DLGAP2: variants seen among roughly 807,000 people sequenced by gnomAD.
DLGAP2 encodes disks large-associated protein 2.
A neutral mutation model predicts 100.3 loss-of-function variants in DLGAP2; 26 were observed. The observed-to-expected ratio is 0.26, with a 90% CI of 0.19 to 0.36. DLGAP2 has a LOEUF of 0.36. Among genes scored for constraint, DLGAP2 ranks in the 10% least tolerant of loss-of-function variants. DLGAP2 has a pLI of 1.00. For missense variants in DLGAP2, 1,858 were observed against 1,453.2 expected (o/e 1.28, Z -4.53); for synonymous variants, 886 against 630.1 (o/e 1.41, Z -6.08).
intron 3 of DLGAP2, among the ~76,000 whole-genome samples, chr8:1,335,476 A>G (rs114636896): frequency 6.6e-6 from 1 of 152,248 alleles, no homozygotes; most frequent in African/African-American, 2.4e-5. Flanking sequence ...CTTCCTCTGG[A>G]GGAATGGGTA....
intron 3 of DLGAP2, among the ~76,000 whole-genome samples, chr8:1,334,481 C>T (rs1194862984): frequency 2.0e-5 from 3 of 152,180 alleles, no homozygotes; most frequent in Non-Finnish European, 4.4e-5. Context: ...GCCTACTTTT[C>T]GTTCCACTAA....
In DLGAP2 at chr8:1,545,269, G is replaced by A. The variant is rs750905509; in HGVS notation, c.173-3357G>A. Among the ~76,000 whole-genome samples, 44 of 152,036 alleles carry A rather than the reference G, an allele frequency of 2.9e-4. 1 individual carries two copies. The highest frequency in any genetic ancestry group is 9.9e-4 in the African/African-American group (41 of 41,450). On this transcript the variant is annotated intron_variant, in intron 4 of 14. Coordinates refer to ENST00000637795, the MANE Select transcript of DLGAP2 (RefSeq NM_001346810.2). ...GACACCATCTGGTCCTGAACTTTTC[G>A]TCCCACAAGCACGGCGTGCACCCTG...
chr8:955,522 C>T (rs560885080), intron 2 of DLGAP2, among the ~76,000 whole-genome samples: 16 of 152,066 alleles, frequency 1.1e-4, no homozygotes, highest in Non-Finnish European at 1.9e-4. Flanking sequence ...TTCTGAGCCC[C>T]GGGTTGGGTG....
At chr8:1,255,921 CTG>C (rs1799196364) in intron 2 of DLGAP2, among the ~76,000 whole-genome samples, 1 of 120,940 alleles carries the variant, frequency 8.3e-6, no homozygotes, top group African/African-American at 3.9e-5. Flanking sequence ...TGCCCAGGTG[CTG>C]TGTGTGTGTC....
At chr8:912,895 C>T (rs567403197) in intron 2 of DLGAP2, among the ~76,000 whole-genome samples, 14 of 149,248 alleles carry the variant, frequency 9.4e-5, no homozygotes, top group Admixed American at 4.0e-4. Flanking sequence ...GCTGGATCCC[C>T]GCACTGTGGT....
chr8:1,074,544 GCCCTGGCTCA>G (rs1803543043), intron 2 of DLGAP2, among the ~76,000 whole-genome samples: 1 of 152,204 alleles, frequency 6.6e-6, no homozygotes, highest in Non-Finnish European at 1.5e-5. Flanking sequence ...AGCCGAGGCT[GCCCTGGCTCA>G]GGGGCTTCTC....
intron 3 of DLGAP2, chr8:1,302,408 TGTGAGTTCC>T (rs1800374579): frequency 1.7e-5 from 2 of 120,120 alleles, no homozygotes; most frequent in African/African-American, 6.0e-5. Flanking sequence ...CAGCATTTTC[TGTGAGTTCC>T]CGAGCTCTGC....
intron 2 of DLGAP2, among the ~76,000 whole-genome samples, chr8:987,299 G>T (rs1800516132): frequency 6.6e-6 from 1 of 152,142 alleles, no homozygotes; most frequent in Non-Finnish European, 1.5e-5. Flanking sequence ...GCAGGTTTAG[G>T]ACGTGTCCAC....
chr8:764,749 G>A (rs1821168807), intron 1 of DLGAP2, among the ~76,000 whole-genome samples: 3 of 152,186 alleles, frequency 2.0e-5, no homozygotes, highest in Non-Finnish European at 4.4e-5. Context: ...CTTCTAAGCT[G>A]TTGTGTAAGG....
intron 1 of DLGAP2, among the ~76,000 whole-genome samples, chr8:851,130 G>C (rs1797175621): frequency 6.6e-6 from 1 of 152,236 alleles, no homozygotes; most frequent in Non-Finnish European, 1.5e-5. Flanking sequence ...AGACTTTTCT[G>C]TATGTAGATG....
intron 3 of DLGAP2, among the ~76,000 whole-genome samples, chr8:1,427,818 T>C (rs1430552071): frequency 6.6e-6 from 1 of 152,236 alleles, no homozygotes; most frequent in Non-Finnish European, 1.5e-5. Flanking sequence ...CTTTCTTTTG[T>C]AAATTGCCCA....
intron 7 of DLGAP2, among the ~76,000 whole-genome samples, chr8:1,627,162 G>T (rs540213077): frequency 1.3e-5 from 2 of 152,234 alleles, no homozygotes; most frequent in Non-Finnish European, 2.9e-5. Context: ...GGCCTCTCTT[G>T]TTGATAAAGC....
chr8:1,350,069 A>G (rs552014073), intron 3 of DLGAP2, among the ~76,000 whole-genome samples: 1 of 152,332 alleles, frequency 6.6e-6, no homozygotes, highest in South Asian at 2.1e-4. Flanking sequence ...TCGATATTAA[A>G]CCATTTATAA....
At chr8:1,320,929 G>C (rs919052390) in intron 3 of DLGAP2, among the ~76,000 whole-genome samples, 12 of 152,148 alleles carry the variant, frequency 7.9e-5, no homozygotes, top group African/African-American at 2.9e-4. Flanking sequence ...GCATGTATCT[G>C]TGTGTATACA....
At chr8:1,455,374 A>G (rs749510665) in intron 3 of DLGAP2, among the ~76,000 whole-genome samples, 2 of 152,206 alleles carry the variant, frequency 1.3e-5, no homozygotes, top group East Asian at 1.9e-4. Flanking sequence ...TGAAGTCCAC[A>G]TGAGTCCCCC....
At chr8:1,070,791 G>C (rs549514028) in intron 2 of DLGAP2, among the ~76,000 whole-genome samples, 15 of 152,290 alleles carry the variant, frequency 9.8e-5, no homozygotes, top group African/African-American at 3.1e-4. Context: ...GGACGCGCTG[G>C]CTTTTCCGTG....
intron 1 of DLGAP2, among the ~76,000 whole-genome samples, chr8:809,695 C>T (rs1197716869): frequency 6.6e-6 from 1 of 152,162 alleles, no homozygotes; most frequent in East Asian, 1.9e-4. Flanking sequence ...CATGTGAGCT[C>T]ACCTCCTTTG....
chr8:1,032,858 C>G (rs1268904482), intron 2 of DLGAP2: 2 of 152,148 alleles, frequency 1.3e-5, no homozygotes, highest in Non-Finnish European at 2.9e-5. Flanking sequence ...TAAAGATGGA[C>G]AAAAGAATTG....
intron 3 of DLGAP2, among the ~76,000 whole-genome samples, chr8:1,287,883 ATGTG>A (rs1312547681): frequency 0.011 from 552 of 51,836 alleles, 10 homozygotes; most frequent in African/African-American, 0.038. Flanking sequence ...TTGGTTCAGC[ATGTG>A]TGTGTGTGTG....
Sources: allele counts gnomAD v4.1 joint callset (sites outside exome capture counted in the v4.1 genomes callset), GRCh38; gene constraint gnomAD v4.1.1; transcripts MANE v1.5; gene names NCBI Gene and HGNC (gene_info 2026-07-23, HGNC 2026-07-21).